The following ANK3 variants were observed in gnomAD, a reference collection of about 807,000 sequenced individuals.
ANK3 encodes ankyrin 3, also known as ankyrin-3.
A neutral mutation model predicts 370.9 loss-of-function variants in ANK3; 57 were observed. The observed-to-expected ratio is 0.15, with a 90% confidence interval of 0.12 to 0.19. The LOEUF (loss-of-function observed/expected upper bound fraction) is 0.19. Among genes scored for constraint, ANK3 ranks in the 10% least tolerant of loss-of-function variants. ANK3 has a pLI of 1.00. For missense variants in ANK3, 4,439 were observed against 5,302.1 expected (o/e 0.84, Z 5.06); for synonymous variants, 1,929 against 1,946.3 (o/e 0.99, Z 0.23).
At chr10:60,705,534 G>C (rs1391436809) in intron 1 of ANK3, among the ~76,000 whole-genome samples, 1 of 152,120 alleles carries the variant, frequency 6.6e-6, no homozygotes, top group Non-Finnish European at 1.5e-5. Flanking sequence ...TGGTTCCAAA[G>C]TCTATGTCCT....
intron 2 of ANK3, among the ~76,000 whole-genome samples, chr10:60,401,066 C>T (rs978389436): frequency 2.0e-5 from 3 of 152,052 alleles, no homozygotes; most frequent in African/African-American, 7.3e-5. Flanking sequence ...AATTTCAAAT[C>T]GTGGATTTAA....
intron 2 of ANK3, among the ~76,000 whole-genome samples, chr10:60,467,220 C>A (rs890044723): frequency 1.3e-5 from 2 of 152,086 alleles, no homozygotes; most frequent in African/African-American, 4.8e-5. Context: ...AGCTTACTAC[C>A]CCTATGAAAC....
chr10:60,217,821 G>T (rs2096965651), intron 8 of ANK3, among the ~76,000 whole-genome samples: 1 of 152,124 alleles, frequency 6.6e-6, no homozygotes, highest in Non-Finnish European at 1.5e-5. Context: ...TTAATTTTCT[G>T]TCTCATAGAT....
At chr10:60,253,586 C>T (rs1052941982) in intron 7 of ANK3, among the ~76,000 whole-genome samples, 2 of 152,192 alleles carry the variant, frequency 1.3e-5, no homozygotes, top group Non-Finnish European at 2.9e-5. Flanking sequence ...TGTAAACATG[C>T]ATCTCCTCCA....
chr10:60,344,059 T>TAAC (rs2054865829), intron 1 of ANK3, among the ~76,000 whole-genome samples: 1 of 152,262 alleles, frequency 6.6e-6, no homozygotes, highest in Non-Finnish European at 1.5e-5. Context: ...GCAGATCTAA[T>TAAC]AACAGCCTAG....
Position 60,280,468 on chromosome 10 carries a change from T to C in ANK3, c.115-829A>G, listed in dbSNP as rs549241243. The stretch of plus-strand genomic sequence containing the variant: ...GAGCAGCAGCAGAAAGAAATACATA[T>C]ACAATTTTAGAACAACAAGACATGT... On this transcript the variant is annotated intron_variant, in intron 1 of 43. Coordinates refer to ENST00000280772, the MANE Select transcript of ANK3 (RefSeq NM_020987.5). 7.7e-4 allele frequency among the ~76,000 whole-genome samples: 118 copies of C among 152,334 alleles called. No individual in the cohort carries two copies. The Middle Eastern group carries it at 0.017, about 22-fold the overall frequency.
At chr10:60,698,379 T>G (rs983609894) in intron 1 of ANK3, among the ~76,000 whole-genome samples, 9 of 151,774 alleles carry the variant, frequency 5.9e-5, no homozygotes, top group African/African-American at 1.9e-4. Flanking sequence ...AAATACCATT[T>G]GACCCAGCCA....
At chr10:60,167,035 CA>C (rs1397155889) in intron 21 of ANK3, 139 bp from the exon 22 acceptor site, 18 of 737,894 alleles carry the variant, frequency 2.4e-5, no homozygotes, top group African/African-American at 3.5e-5. Context: ...AAAATAACAT[CA>C]AAATTGTTGT....
At chr10:60,574,679 G>A (rs1039903189) in intron 2 of ANK3, among the ~76,000 whole-genome samples, 1 of 152,198 alleles carries the variant, frequency 6.6e-6, no homozygotes, top group Non-Finnish European at 1.5e-5. Flanking sequence ...TCAATCGGGT[G>A]AACCTTGTTT....
At chr10:60,419,824 C>T (rs1448843543) in intron 2 of ANK3, among the ~76,000 whole-genome samples, 2 of 152,142 alleles carry the variant, frequency 1.3e-5, no homozygotes, top group Admixed American at 6.6e-5. Flanking sequence ...AAACCGAACT[C>T]GATAACTCCA....
intron 2 of ANK3, among the ~76,000 whole-genome samples, chr10:60,543,090 C>T (rs1203043737): frequency 2.0e-5 from 3 of 151,870 alleles, no homozygotes; most frequent in Non-Finnish European, 4.4e-5. Flanking sequence ...AACTAAGAAA[C>T]ACACATTTTA....
intron 25 of ANK3, among the ~76,000 whole-genome samples, chr10:60,115,613 A>C (rs1477613080): frequency 1.3e-5 from 2 of 152,240 alleles, no homozygotes; most frequent in Non-Finnish European, 2.9e-5. Flanking sequence ...TAAATGGGAT[A>C]GAATGCTAGA....
At chr10:60,268,036 T>G (rs2097907811) in intron 5 of ANK3, among the ~76,000 whole-genome samples, 1 of 152,194 alleles carries the variant, frequency 6.6e-6, no homozygotes, top group Non-Finnish European at 1.5e-5. Context: ...GGTCTCACTG[T>G]TGCCCAGGCT....
At chr10:60,161,976 G>C (rs2095511789) in intron 23 of ANK3, among the ~76,000 whole-genome samples, 1 of 152,034 alleles carries the variant, frequency 6.6e-6, no homozygotes, top group Admixed American at 6.6e-5. Context: ...ACTCTGATTT[G>C]ATCATTACAC....
chr10:60,391,074 T>C (rs1209443412), upstream of ANK3, among the ~76,000 whole-genome samples: 1 of 152,216 alleles, frequency 6.6e-6, no homozygotes, highest in East Asian at 1.9e-4. Context: ...GTCTTTCCTC[T>C]TTTCCTCTTG....
intron 42 of ANK3, chr10:60,053,826 C>T (rs1204356076): frequency 1.1e-6 from 1 of 910,712 alleles, no homozygotes; most frequent in Admixed American, 3.5e-5. Context: ...ACAAACGATA[C>T]ATCCTAAACA....
In ANK3 at chr10:60,138,826, G is replaced by A. The variant is rs576819365; in HGVS notation, c.2738+138C>T. On this transcript the variant is annotated intron_variant, in intron 24 of 43. Coordinates refer to ENST00000280772, the MANE Select transcript of ANK3 (RefSeq NM_020987.5). ...AAAATAGCAGAGCATGTGTATTTGC[G>A]TCGAGAACATTTCGCTAAATTCACA... 46 of 1,105,644 alleles carry A rather than the reference G, an allele frequency of 4.2e-5. No homozygotes were observed. In the South Asian group the frequency reaches 4.9e-4, roughly 12 times the overall value. 68.5% of individuals were successfully genotyped at this position (1,105,644 alleles called of 1,614,324 possible). A position where few individuals can be genotyped will look rare whatever the true frequency, so the allele number is the denominator to read the frequency against.
At chr10:60,471,967 G>A (rs183233119) in intron 2 of ANK3, among the ~76,000 whole-genome samples, 191 of 152,134 alleles carry the variant, frequency 1.3e-3, no homozygotes, top group Non-Finnish European at 2.1e-3. Flanking sequence ...ATTAATATTT[G>A]ATAAGGAGTC....
intron 23 of ANK3, among the ~76,000 whole-genome samples, chr10:60,145,696 T>C (rs768242004): frequency 2.0e-5 from 3 of 152,200 alleles, no homozygotes; most frequent in Non-Finnish European, 2.9e-5. Context: ...TCAAAATCAG[T>C]TGCTGTCACT....
Sources: allele counts gnomAD v4.1 joint callset (sites outside exome capture counted in the v4.1 genomes callset), GRCh38; gene constraint gnomAD v4.1.1; transcripts MANE v1.5; gene names NCBI Gene and HGNC (gene_info 2026-07-23, HGNC 2026-07-21).